GAD1: variants seen among roughly 807,000 people sequenced by gnomAD.
The protein encoded by GAD1 is glutamate decarboxylase 1.
Under a neutral mutation model 75.2 loss-of-function variants are expected in GAD1, and 35 were observed. The ratio of observed to expected loss-of-function variants is 0.47; its 90% CI spans 0.36 to 0.62. GAD1 has a LOEUF of 0.62. GAD1 is among the 20% of genes least tolerant of loss of function. The pLI, the probability that GAD1 is intolerant of heterozygous loss-of-function variation, is 0.00. For synonymous variants in GAD1, 257 were observed against 271.9 expected (o/e 0.95, Z 0.54); for missense variants, 490 against 758.5 (o/e 0.65, Z 4.16).
chr2:170,835,113 T>A lies in GAD1; in HGVS notation c.548-1680T>A, dbSNP rs1702339646. 2.0e-5 allele frequency among the ~76,000 whole-genome samples: 3 copies of A among 152,190 alleles called. No individual in the cohort carries two copies. In the South Asian group the frequency reaches 6.2e-4, roughly 32 times the overall value. On this transcript the variant is annotated intron_variant, in intron 5 of 16. Coordinates refer to ENST00000358196, the MANE Select transcript of GAD1 (RefSeq NM_000817.3). The stretch of plus-strand genomic sequence containing the variant: ...GAACTTTTTTTAAAAAAGTCCACAA[T>A]GTCATTGTCATACCTGAAAAGAAAA...
In GAD1 at chr2:170,853,641, A is replaced by G. The variant is rs1384382252; in HGVS notation, c.1264-232A>G. On this transcript the variant is annotated intron_variant, in intron 13 of 16. Transcript: ENST00000358196. The surrounding 1 kb of genome is among the most constrained non-coding windows in gnomAD (Gnocchi z 4.1). ...ACACATTTCCCCTTAGAGGGATGGC[A>G]TCTGAGACGGAAAGATCATCTTCTA... The G allele has an allele frequency of 3.9e-6, 2 of 515,272 alleles. No homozygotes were observed. The highest frequency in any genetic ancestry group is 7.1e-6 in the Non-Finnish European group (2 of 282,144). 31.9% of individuals were successfully genotyped at this position (515,272 alleles called of 1,614,324 possible).
chr2:170,819,757 T>C (rs1701814362), intron 2 of GAD1, among the ~76,000 whole-genome samples: 1 of 152,096 alleles, frequency 6.6e-6, no homozygotes, highest in Non-Finnish European at 1.5e-5. Flanking sequence ...AGAAAGGGCT[T>C]AAGAAGGATA....
In GAD1 at chr2:170,831,074, C is replaced by T. The variant is rs774277641; in HGVS notation, c.429C>T (p.His143=). 8 of 1,614,084 alleles carry T rather than the reference C, an allele frequency of 5.0e-6. No homozygotes were observed. The African/African-American group carries it at 8.0e-5, about 16-fold the overall frequency. Residue 143 remains histidine (H), a synonymous_variant, in exon 5 of 17, where the codon CAC becomes CAT. Coordinates refer to ENST00000358196, the MANE Select transcript of GAD1 (RefSeq NM_000817.3). ...DRSTKVLDFH[H]PHQLLEGMEG... ...CCACCAAGGTGCTGGACTTTCATCACCCACACCAGTTGCTGGAAGGCATGG... is the reference window on the plus strand; with the variant it reads ...CCACCAAGGTGCTGGACTTTCATCATCCACACCAGTTGCTGGAAGGCATGG...
At chr2:170,814,546 T>C (rs2105741503), upstream of GAD1, among the ~76,000 whole-genome samples, 1 of 152,312 alleles carries the variant, frequency 6.6e-6, no homozygotes, top group East Asian at 1.9e-4. Context: ...CTCACCGGAA[T>C]GTCCACTCCC....
chr2:170,819,323 C>T (rs1025644637), intron 2 of GAD1, among the ~76,000 whole-genome samples: 3 of 146,840 alleles, frequency 2.0e-5, no homozygotes, highest in East Asian at 4.0e-4. Context: ...AATAGGGGAG[C>T]GGGCGGCATC....
chr2:170,854,280 T>C (rs1159155840), intron 14 of GAD1, among the ~76,000 whole-genome samples: 1 of 152,100 alleles, frequency 6.6e-6, no homozygotes, highest in African/African-American at 2.4e-5. Flanking sequence ...CTAAAAATTA[T>C]GCCAAGATAA....
At chr2:170,819,291 G>GAAATAAAT (rs3838553) in intron 2 of GAD1, among the ~76,000 whole-genome samples, 1,985 of 149,762 alleles carry the variant, frequency 0.013, 43 homozygotes, top group African/African-American at 0.042. Flanking sequence ...ACATCTCAGA[G>GAAATAAAT]AAATAAATAA....
chr2:170,850,279 AAAAAT>A (rs1427950610), intron 12 of GAD1, among the ~76,000 whole-genome samples: 14 of 152,230 alleles, frequency 9.2e-5, no homozygotes, highest in Non-Finnish European at 1.9e-4. Context: ...CATAGTAAAG[AAAAAT>A]AAAACAGGGT....
At chr2:170,854,840 A>C (rs370229879) in intron 14 of GAD1, among the ~76,000 whole-genome samples, 1 of 152,246 alleles carries the variant, frequency 6.6e-6, no homozygotes, top group African/African-American at 2.4e-5. Flanking sequence ...GAAAAATCCT[A>C]CTTTTAGATG....
chr2:170,845,549 C>A lies in GAD1; in HGVS notation c.795C>A (p.Tyr265Ter). 6.2e-7 allele frequency: 1 copy of A among 1,614,142 alleles called. No individual in the cohort carries two copies. The highest frequency in any genetic ancestry group is 8.5e-7 in the Non-Finnish European group (1 of 1,180,032). The change falls in exon 8 of 17, where the codon TAC becomes TAA. Residue 265 changes from tyrosine (Y) to a stop codon, truncating the protein, a stop_gained. Transcript: ENST00000358196. LOFTEE classifies it high-confidence loss of function. ...TGTACAGCATCATGGCTGCTCGCTA[C>A]AAGTACTTCCCGGAAGTTAAGACAA... is the stretch of plus-strand genomic sequence containing the variant. ...SNMYSIMAAR[Y>*]KYFPEVKTKG...
rs566385980 is a variant in GAD1, at chr2:170,859,730, C to G, written c.1633C>G (p.Leu545Val). Residue 545 changes from leucine (L) to valine (V), a missense_variant, in exon 17 of 17, where the codon CTG becomes GTG. Around this residue, in one of 3 missense-constraint regions of GAD1, gnomAD observed 324 missense variants for 523.9 expected, o/e 0.62. Coordinates refer to ENST00000358196, the MANE Select transcript of GAD1 (RefSeq NM_000817.3). Reference protein sequence around the residue: ...LHKVAPKIKALMMESGTTMVG... With the variant: ...LHKVAPKIKAVMMESGTTMVG... Reference sequence around the variant, plus strand: ...CAAGGTGGCTCCAAAAATCAAAGCCCTGATGATGGAGTCAGGTACGACCAT... The same window carrying G: ...CAAGGTGGCTCCAAAAATCAAAGCCGTGATGATGGAGTCAGGTACGACCAT... 1 of 1,614,158 alleles carries G rather than the reference C, an allele frequency of 6.2e-7. No homozygotes were observed. Among genetic ancestry groups the G allele is most frequent in the Non-Finnish European group, 8.5e-7 (1 of 1,180,020 alleles).
upstream of GAD1, chr2:170,813,566 A>T (rs147274806): frequency 0.021 from 3,243 of 155,710 alleles, 138 homozygotes; most frequent in Admixed American, 0.1. Context: ...GTCAAAAAAA[A>T]TTGACGTGTC....
chr2:170,823,499 C>G (rs886701222), intron 3 of GAD1, among the ~76,000 whole-genome samples: 6 of 152,204 alleles, frequency 3.9e-5, no homozygotes, highest in Non-Finnish European at 5.9e-5. Flanking sequence ...CATTTTCCAC[C>G]GAAAGCCCAG....
At chr2:170,856,096 G>A (rs537257810) in intron 14 of GAD1, among the ~76,000 whole-genome samples, 4 of 152,278 alleles carry the variant, frequency 2.6e-5, no homozygotes, top group African/African-American at 7.2e-5. Context: ...TGACTAGGGT[G>A]TACAGTCAGC....
intron 5 of GAD1, among the ~76,000 whole-genome samples, chr2:170,836,091 G>A (rs1191531033): frequency 1.3e-5 from 2 of 151,642 alleles, no homozygotes; most frequent in Admixed American, 1.3e-4. Flanking sequence ...CTAGCTCTCT[G>A]ACCGTTTTTG....
chr2:170,815,127 G>A (rs872124), upstream of GAD1, among the ~76,000 whole-genome samples: 5,168 of 152,206 alleles, frequency 0.034, 135 homozygotes, highest in Non-Finnish European at 0.052. Context: ...GAGGGCCGGT[G>A]GATGGAATTC....
At position 170,860,123 on chromosome 2, in the gene GAD1, T is replaced by C. The variant is rs1252548453; in HGVS notation, c.*241T>C. The C allele has an allele frequency of 6.0e-6, 3 of 502,172 alleles. No individual in the cohort carries two copies. Among genetic ancestry groups the C allele is most frequent in the African/African-American group, 5.8e-5 (3 of 51,710 alleles). 31.1% of individuals were successfully genotyped at this position (502,172 alleles called of 1,614,324 possible). ...ATGTACAGTTATACATACCTCTCTC[T>C]ATATATACATGTATAGTGAGTGTGG... On this transcript the variant is annotated 3_prime_UTR_variant, in exon 17 of 17. Transcript: ENST00000358196.
intron 6 of GAD1, chr2:170,842,812 T>C: frequency 7.9e-7 from 1 of 1,260,232 alleles, no homozygotes; most frequent in Non-Finnish European, 1.1e-6. Flanking sequence ...TGTGATTAAT[T>C]TGACTGCTTT....
At chr2:170,839,412 G>A (rs956309017) in intron 6 of GAD1, among the ~76,000 whole-genome samples, 3 of 151,852 alleles carry the variant, frequency 2.0e-5, no homozygotes, top group African/African-American at 7.3e-5. Flanking sequence ...ATGGGAGTTC[G>A]AGGCCAGCCT....
Sources: gnomAD v4.1 joint callset for allele counts (sites outside exome capture counted in the v4.1 genomes callset) on GRCh38, gnomAD v4.1.1 for gene constraint, gnomAD v4.1.1 regional missense constraint, Gnocchi (gnomAD v3.1) non-coding constraint, MANE v1.5 for transcripts, NCBI Gene and HGNC (gene_info 2026-07-23, HGNC 2026-07-21) for gene names.